VWA3B: variants seen among roughly 807,000 people sequenced by gnomAD.
VWA3B encodes von Willebrand factor A domain-containing protein 3B.
Under a neutral mutation model 158.3 loss-of-function variants are expected in VWA3B, and 138 were observed. That is an observed-to-expected ratio of 0.87 (90% CI 0.76 to 1.00). The LOEUF is 1.00. Ranked by LOEUF, VWA3B falls within the 50% of genes least tolerant of loss-of-function variation. The pLI is 0.00. For missense variants in VWA3B, 1,555 were observed against 1,565.1 expected (o/e 0.99, Z 0.11); for synonymous variants, 596 against 587.3 (o/e 1.01, Z -0.21).
intron 22 of VWA3B, among the ~76,000 whole-genome samples, chr2:98,277,622 G>A (rs1207698573): frequency 2.0e-5 from 3 of 152,198 alleles, no homozygotes; most frequent in Non-Finnish European, 2.9e-5. Context: ...TCTCAAAGCC[G>A]TGACTGGCAA....
At chr2:98,311,731 T>G in intron 26 of VWA3B, 88 bp from the exon 27 acceptor site, 1 of 1,423,820 alleles carries the variant, frequency 7.0e-7, no homozygotes, top group South Asian at 1.5e-5. Flanking sequence ...GGCAAGGAGC[T>G]GAGAAGCAGC....
At chr2:98,178,413 A>G (rs2105332885) in intron 8 of VWA3B, among the ~76,000 whole-genome samples, 1 of 152,328 alleles carries the variant, frequency 6.6e-6, no homozygotes, top group Admixed American at 6.5e-5. Context: ...GGTCTCATGA[A>G]GCATTAATGG....
chr2:98,314,979 A>G (rs1691059386), downstream of VWA3B, among the ~76,000 whole-genome samples: 1 of 150,444 alleles, frequency 6.6e-6, no homozygotes, highest in African/African-American at 2.4e-5. Context: ...GCAAGAGTCC[A>G]TCTCAAAAAA....
chr2:98,269,879 T>C (rs1007448099), intron 21 of VWA3B, among the ~76,000 whole-genome samples: 9 of 152,252 alleles, frequency 5.9e-5, no homozygotes, highest in South Asian at 2.1e-4. Context: ...AGTTTGTTTG[T>C]GGATGGAGTC....
chr2:98,148,185 C>T (rs933039591), intron 7 of VWA3B, among the ~76,000 whole-genome samples: 4 of 152,126 alleles, frequency 2.6e-5, no homozygotes, highest in Admixed American at 1.3e-4. Flanking sequence ...GGTAATCTCT[C>T]ATGTTGAATT....
intron 7 of VWA3B, 65 bp from the exon 8 acceptor site, chr2:98,162,786 T>C (rs1204379305): frequency 6.3e-7 from 1 of 1,591,538 alleles, no homozygotes; most frequent in Non-Finnish European, 8.5e-7. Flanking sequence ...TCAGGCCTGC[T>C]AGGCGGGCTG....
intron 20 of VWA3B, among the ~76,000 whole-genome samples, chr2:98,255,056 C>G (rs941089169): frequency 1.3e-5 from 2 of 151,800 alleles, no homozygotes; most frequent in Non-Finnish European, 2.9e-5. Flanking sequence ...CTCTGTCACC[C>G]AGGCTGGAGT....
chr2:98,112,045 A>T (rs1687951711), intron 2 of VWA3B, among the ~76,000 whole-genome samples: 1 of 151,946 alleles, frequency 6.6e-6, no homozygotes, highest in African/African-American at 2.4e-5. Flanking sequence ...ATTCCCTAGG[A>T]TCTTATGTTT....
In VWA3B at chr2:98,298,437, CTATTCT is replaced by C. The variant is rs1288798306; in HGVS notation, c.3282+407_3282+412del. On this transcript the variant is annotated intron_variant, in intron 24 of 27. Coordinates refer to ENST00000477737, the MANE Select transcript of VWA3B (RefSeq NM_144992.5). ...CTATTCTATTCTATTCTATTCTATT[CTATTCT>C]ATGCCATGCCATGCCATGCCATGCC... Among the ~76,000 whole-genome samples, 489 of 143,090 alleles carry C rather than the reference CTATTCT, an allele frequency of 3.4e-3. 1 individual carries two copies. The highest frequency in any genetic ancestry group is 0.015 in the Middle Eastern group (4 of 270). The allele number at this position is 143,090 out of a possible 152,430, so 93.9% of individuals were successfully genotyped here.
intron 2 of VWA3B, among the ~76,000 whole-genome samples, chr2:98,105,872 A>G (rs984056420): frequency 1.3e-5 from 2 of 151,720 alleles, no homozygotes; most frequent in Non-Finnish European, 1.5e-5. Context: ...GGTTGTGCCT[A>G]TATTTCCAGG....
intron 8 of VWA3B, among the ~76,000 whole-genome samples, chr2:98,170,966 T>C (rs1427071230): frequency 6.6e-6 from 1 of 152,218 alleles, no homozygotes; most frequent in Admixed American, 6.5e-5. Flanking sequence ...AGACACTTAT[T>C]ATCTGTGCTT....
intron 26 of VWA3B, among the ~76,000 whole-genome samples, chr2:98,305,128 T>C (rs1344651913): frequency 2.0e-5 from 3 of 151,268 alleles, no homozygotes; most frequent in African/African-American, 7.3e-5. Context: ...CCCTAAACCC[T>C]CCTCTTGAGG....
intron 22 of VWA3B, among the ~76,000 whole-genome samples, chr2:98,280,322 A>G (rs1361961492): frequency 1.3e-5 from 2 of 152,184 alleles, no homozygotes; most frequent in African/African-American, 2.4e-5. Context: ...TATGTTTATT[A>G]GATTCCTTTG....
chr2:98,116,884 G>A (rs917093964), intron 3 of VWA3B, among the ~76,000 whole-genome samples: 2 of 152,192 alleles, frequency 1.3e-5, no homozygotes, highest in Non-Finnish European at 2.9e-5. Flanking sequence ...CAACTTTGAA[G>A]TTCTTTCCTC....
chr2:98,220,363 A>T (rs79316479), intron 14 of VWA3B, among the ~76,000 whole-genome samples: 59 of 152,148 alleles, frequency 3.9e-4, no homozygotes, highest in Non-Finnish European at 7.6e-4. Flanking sequence ...GTAAAAAAAA[A>T]TTCTTATTGC....
intron 13 of VWA3B, among the ~76,000 whole-genome samples, chr2:98,214,532 T>C (rs1683812237): frequency 6.6e-6 from 1 of 152,180 alleles, no homozygotes. Flanking sequence ...ATGGAACTAG[T>C]TTTTTTGTAT....
downstream of VWA3B, among the ~76,000 whole-genome samples, chr2:98,313,533 T>C (rs533514207): frequency 2.0e-5 from 3 of 152,232 alleles, no homozygotes; most frequent in Non-Finnish European, 4.4e-5. Context: ...GTGTCTGGTC[T>C]GGAGAACTAG....
chr2:98,094,768 T>G (rs1212819304), intron 2 of VWA3B, among the ~76,000 whole-genome samples: 2 of 152,234 alleles, frequency 1.3e-5, no homozygotes. Flanking sequence ...TACAATTAAG[T>G]CTGTAATTCA....
intron 12 of VWA3B, among the ~76,000 whole-genome samples, chr2:98,202,086 GAT>G (rs1682594854): frequency 6.6e-6 from 1 of 152,102 alleles, no homozygotes; most frequent in Admixed American, 6.5e-5. Flanking sequence ...GTACAGAATT[GAT>G]ATGATTTTTC....
Sources: gnomAD v4.1 joint callset for allele counts (sites outside exome capture counted in the v4.1 genomes callset) on GRCh38, gnomAD v4.1.1 for gene constraint, MANE v1.5 for transcripts, NCBI Gene and HGNC (gene_info 2026-07-23, HGNC 2026-07-21) for gene names.